The following SSR1 variants were observed in gnomAD, a reference collection of about 807,000 sequenced individuals.
SSR1 encodes signal sequence receptor subunit 1.
Under a neutral mutation model 36.1 loss-of-function variants are expected in SSR1, and 13 were observed. The ratio of observed to expected loss-of-function variants is 0.36; its 90% CI spans 0.23 to 0.57. The LOEUF is 0.57. SSR1 is among the 20% of genes least tolerant of loss of function. The probability of loss-of-function intolerance (pLI) is 0.81; values close to 1 mark genes in which losing one functional copy is unlikely to be tolerated. For missense variants in SSR1, 291 were observed against 338.5 expected (o/e 0.86, Z 1.10); for synonymous variants, 113 against 118.9 (o/e 0.95, Z 0.32).
In SSR1 at chr6:7,287,030, A is replaced by G. The variant is rs964275001; in HGVS notation, c.*2834T>C. 2.6e-5 allele frequency: 4 copies of G among 152,150 alleles called. No homozygotes were observed. Among genetic ancestry groups the G allele is most frequent in the African/African-American group, 9.7e-5 (4 of 41,442 alleles). 9.4% of individuals were successfully genotyped at this position (152,150 alleles called of 1,614,324 possible). On this transcript the variant is annotated 3_prime_UTR_variant, in exon 8 of 8. Transcript: ENST00000244763. ...AAATACAGGGTCTAGTCTTGGCAAG[A>G]GATGGTATGTGTCACTGAGTTTTAA... is the stretch of plus-strand genomic sequence containing the variant.
In SSR1 at chr6:7,299,456, T is replaced by C. The variant is rs372531765; in HGVS notation, c.544-633A>G. Among the ~76,000 whole-genome samples, 3 of 152,288 alleles carry C rather than the reference T, an allele frequency of 2.0e-5. No homozygotes were observed. The South Asian group carries it at 6.2e-4, about 32-fold the overall frequency. ...GCTCACACCTGTAATCTCAGCACTT[T>C]GGCAGGCCAACCGAGGCAGATCACC... On this transcript the variant is annotated intron_variant, in intron 4 of 7. Coordinates refer to ENST00000244763, the MANE Select transcript of SSR1 (RefSeq NM_003144.5).
chr6:7,309,497 C>T (rs1758140190), intron 2 of SSR1, among the ~76,000 whole-genome samples: 1 of 135,656 alleles, frequency 7.4e-6, no homozygotes, highest in African/African-American at 3.1e-5. Context: ...TCTAGATGTA[C>T]TATTGATAAC....
At chr6:7,301,244 A>G in intron 4 of SSR1, 66 bp downstream of exon 4, 1 of 1,550,956 alleles carries the variant, frequency 6.4e-7, no homozygotes, top group Non-Finnish European at 8.7e-7. Flanking sequence ...GATATATTCT[A>G]TTAAACAACG....
Position 7,300,435 on chromosome 6 carries a change from T to C in SSR1, c.543+875A>G, listed in dbSNP as rs974767981. ...AAAAATCATAAGGCATCAGAGCTTA[T>C]ATTAGGACATTTGGTTCTCCTAAAT... On this transcript the variant is annotated intron_variant, in intron 4 of 7. Transcript: ENST00000244763. 2.6e-5 allele frequency among the ~76,000 whole-genome samples: 4 copies of C among 152,350 alleles called. No individual in the cohort carries two copies. In the South Asian group the frequency reaches 6.2e-4, roughly 24 times the overall value.
chr6:7,298,511 C>T (rs1342701861), intron 5 of SSR1: 4 of 455,410 alleles, frequency 8.8e-6, no homozygotes, highest in Non-Finnish European at 1.6e-5. Flanking sequence ...AGAGGAAGGA[C>T]AGAAAGCCAA....
intron 2 of SSR1, among the ~76,000 whole-genome samples, chr6:7,305,452 T>C (rs1324926247): frequency 1.3e-5 from 2 of 152,188 alleles, no homozygotes; most frequent in Non-Finnish European, 2.9e-5. Flanking sequence ...AAATGTGAAG[T>C]GAGCAGAAGA....
intron 7 of SSR1, 66 bp from the exon 8 acceptor site, chr6:7,289,997 A>G (rs1757647053): frequency 7.3e-7 from 1 of 1,370,320 alleles, no homozygotes; most frequent in South Asian, 1.5e-5. Flanking sequence ...AGACATGTTA[A>G]AAAGTATTTA....
At chr6:7,292,042 C>G (rs190471536) in intron 7 of SSR1, among the ~76,000 whole-genome samples, 1 of 152,098 alleles carries the variant, frequency 6.6e-6, no homozygotes, top group African/African-American at 2.4e-5. Context: ...GCACTCCAGC[C>G]TGGGTGACAG....
chr6:7,295,378 G>A lies in SSR1; in HGVS notation c.793+14C>T, dbSNP rs1485521184. Reference sequence around the variant, plus strand: ...AGAGAAAAACTTCCCAGCCAAGTCTGTAAGACTACTTACTGATTTGATTCA... The same window carrying A: ...AGAGAAAAACTTCCCAGCCAAGTCTATAAGACTACTTACTGATTTGATTCA... On this transcript the variant is annotated intron_variant, in intron 7 of 7. Transcript: ENST00000244763. 6.3e-7 allele frequency: 1 copy of A among 1,592,458 alleles called. No individual in the cohort carries two copies.
intron 3 of SSR1, 102 bp from the exon 4 acceptor site, chr6:7,301,674 T>C: frequency 7.9e-7 from 1 of 1,273,614 alleles, no homozygotes; most frequent in Non-Finnish European, 1.1e-6. Context: ...TCCTGTGGAC[T>C]TTGGTGTCAG....
At chr6:7,301,813 A>G (rs1281762795) in intron 3 of SSR1, among the ~76,000 whole-genome samples, 1 of 152,212 alleles carries the variant, frequency 6.6e-6, no homozygotes, top group Non-Finnish European at 1.5e-5. Flanking sequence ...TCTCAATTTC[A>G]GACCAGATCA....
At chr6:7,307,952 C>T (rs1758107013) in intron 2 of SSR1, among the ~76,000 whole-genome samples, 1 of 152,192 alleles carries the variant, frequency 6.6e-6, no homozygotes, top group Non-Finnish European at 1.5e-5. Flanking sequence ...AATTTCAGTG[C>T]CCCAAATACC....
chr6:7,302,145 G>A (rs953034497), intron 3 of SSR1, among the ~76,000 whole-genome samples: 10 of 152,196 alleles, frequency 6.6e-5, no homozygotes, highest in Non-Finnish European at 1.3e-4. Flanking sequence ...CAGGCATAAA[G>A]TTCAAAAGCA....
In SSR1 at chr6:7,283,050, A is replaced by AT. The variant is rs564882159; in HGVS notation, c.*6813dup. On this transcript the variant is annotated 3_prime_UTR_variant, in exon 8 of 8. Transcript: ENST00000244763. ...CAGACAGTCTTGTCTTTATTTATTT[A>AT]TTTTTTAATTGTTAGTAGCTTTTAC... 1 of 152,020 alleles carries AT rather than the reference A, an allele frequency of 6.6e-6. No individual in the cohort carries two copies. Among genetic ancestry groups the AT allele is most frequent in the Non-Finnish European group, 1.5e-5 (1 of 67,982 alleles). 9.4% of individuals were successfully genotyped at this position (152,020 alleles called of 1,614,324 possible). A position where few individuals can be genotyped will look rare whatever the true frequency, so the allele number is the denominator to read the frequency against.
intron 7 of SSR1, among the ~76,000 whole-genome samples, chr6:7,294,717 A>ATAAC (rs1334031414): frequency 1.3e-5 from 2 of 151,958 alleles, no homozygotes; most frequent in Non-Finnish European, 2.9e-5. Flanking sequence ...AAATAAATAA[A>ATAAC]TAGGATTAAT....
chr6:7,292,813 CG>C (rs1308980651), intron 7 of SSR1, among the ~76,000 whole-genome samples: 1 of 152,136 alleles, frequency 6.6e-6, no homozygotes, highest in East Asian at 1.9e-4. Context: ...TTTCAAGACT[CG>C]GGTCTAGTGC....
chr6:7,294,609 C>T (rs1247063353), intron 7 of SSR1, among the ~76,000 whole-genome samples: 7 of 151,990 alleles, frequency 4.6e-5, no homozygotes, highest in Non-Finnish European at 8.8e-5. Context: ...GAGAATCACT[C>T]GAACCCAGGA....
chr6:7,305,542 G>C (rs1758035761), intron 2 of SSR1, among the ~76,000 whole-genome samples: 1 of 152,222 alleles, frequency 6.6e-6, no homozygotes, highest in African/African-American at 2.4e-5. Flanking sequence ...TGGATGAACA[G>C]TATAAGCAGA....
intron 1 of SSR1, among the ~76,000 whole-genome samples, chr6:7,312,762 C>A (rs1758235261): frequency 6.6e-6 from 1 of 152,328 alleles, no homozygotes; most frequent in Admixed American, 6.5e-5. Context: ...AGGCGAGGGT[C>A]CAGGGCAAGA....
Sources: allele counts gnomAD v4.1 joint callset (sites outside exome capture counted in the v4.1 genomes callset), GRCh38; gene constraint gnomAD v4.1.1; transcripts MANE v1.5; gene names NCBI Gene and HGNC (gene_info 2026-07-23, HGNC 2026-07-21).